The following NCK2 variants were observed in gnomAD, a reference collection of about 807,000 sequenced individuals.
NCK2 encodes the protein cytoplasmic protein NCK2.
Under a neutral mutation model 33.9 loss-of-function variants are expected in NCK2, and 16 were observed. The ratio of observed to expected loss-of-function variants is 0.47; its 90% confidence interval spans 0.32 to 0.72. The LOEUF (loss-of-function observed/expected upper bound fraction) is 0.72. Ranked by LOEUF, NCK2 falls within the 30% of genes least tolerant of loss-of-function variation. The pLI, the probability that NCK2 is intolerant of heterozygous loss-of-function variation, is 0.03. For missense variants in NCK2, 418 were observed against 537.3 expected (o/e 0.78, Z 2.19); for synonymous variants, 273 against 239.9 (o/e 1.14, Z -1.27).
intron 2 of NCK2, among the ~76,000 whole-genome samples, chr2:105,845,473 A>G (rs1676821483): frequency 6.6e-6 from 1 of 151,128 alleles, no homozygotes; most frequent in African/African-American, 2.4e-5. Context: ...TACTCACTGC[A>G]TCCTCCGCCT....
chr2:105,753,329 A>G (rs976904589), intron 1 of NCK2, among the ~76,000 whole-genome samples: 5 of 152,148 alleles, frequency 3.3e-5, no homozygotes, highest in African/African-American at 9.7e-5. Context: ...ACTGAGGACC[A>G]TTGGCCTGGC....
chr2:105,834,907 G>GCCTCAA (rs1676335229), intron 2 of NCK2, among the ~76,000 whole-genome samples: 3 of 151,878 alleles, frequency 2.0e-5, no homozygotes, highest in Admixed American at 6.6e-5. Context: ...TGAACTCCTG[G>GCCTCAA]GCTCAAGCAA....
chr2:105,809,099 T>C (rs890589583), intron 1 of NCK2, among the ~76,000 whole-genome samples: 3 of 152,158 alleles, frequency 2.0e-5, no homozygotes, highest in African/African-American at 7.2e-5. Context: ...TTTTGAAGAA[T>C]GAATAGGTGT....
At chr2:105,769,966 G>C (rs1690075505) in intron 1 of NCK2, among the ~76,000 whole-genome samples, 1 of 152,172 alleles carries the variant, frequency 6.6e-6, no homozygotes, top group Non-Finnish European at 1.5e-5. Context: ...GGTCTGACTT[G>C]TGCTGGCTAC....
intron 3 of NCK2, among the ~76,000 whole-genome samples, chr2:105,871,558 C>T (rs949593391): frequency 7.2e-5 from 11 of 151,892 alleles, no homozygotes; most frequent in Non-Finnish European, 1.2e-4. Context: ...TGCAGTGGCG[C>T]GATCTCGGCT....
In NCK2 at chr2:105,872,069, GTACGCAGTTCT is replaced by G. The variant is rs1198490434; in HGVS notation, c.227-9256_227-9246del. ...ATTTAGAATTTCTTCTTCCTTAAAC[GTACGCAGTTCT>G]TAATGGTGAGATTATTTTCTGCCAG... On this transcript the variant is annotated intron_variant, in intron 3 of 4. Coordinates refer to ENST00000233154, the MANE Select transcript of NCK2 (RefSeq NM_003581.5). 1.4e-4 allele frequency among the ~76,000 whole-genome samples: 22 copies of G among 152,314 alleles called. No individual in the cohort carries two copies. The East Asian group carries it at 4.1e-3, about 28-fold the overall frequency.
chr2:105,802,571 A>T (rs1674882004), intron 1 of NCK2, among the ~76,000 whole-genome samples: 1 of 152,168 alleles, frequency 6.6e-6, no homozygotes, highest in African/African-American at 2.4e-5. Flanking sequence ...GAGAACACGG[A>T]AGCAAGAGAG....
At chr2:105,773,893 G>A (rs189633518) in intron 1 of NCK2, among the ~76,000 whole-genome samples, 2 of 152,138 alleles carry the variant, frequency 1.3e-5, no homozygotes, top group East Asian at 3.9e-4. Flanking sequence ...TTCTTTAACT[G>A]TTTTTATTTG....
intron 1 of NCK2, among the ~76,000 whole-genome samples, chr2:105,752,881 G>A (rs569036955): frequency 4.6e-5 from 7 of 152,206 alleles, no homozygotes; most frequent in African/African-American, 1.4e-4. Flanking sequence ...TTTTTAAAGT[G>A]AACATTAGCT....
At chr2:105,761,329 G>T (rs1289848597) in intron 1 of NCK2, among the ~76,000 whole-genome samples, 1 of 152,094 alleles carries the variant, frequency 6.6e-6, no homozygotes, top group Non-Finnish European at 1.5e-5. Context: ...TTTTGGGAGG[G>T]AGAAGAGTGG....
chr2:105,888,919 T>C (rs1422581014), intron 4 of NCK2, among the ~76,000 whole-genome samples: 2 of 152,218 alleles, frequency 1.3e-5, no homozygotes, highest in Non-Finnish European at 2.9e-5. Context: ...GTTTCAAAAA[T>C]GTGTTAAGAT....
intron 1 of NCK2, among the ~76,000 whole-genome samples, chr2:105,762,301 G>T (rs544283064): frequency 3.3e-5 from 5 of 152,162 alleles, no homozygotes; most frequent in African/African-American, 1.2e-4. Flanking sequence ...AACCAGGGGG[G>T]GTCTAGGTCC....
intron 1 of NCK2, among the ~76,000 whole-genome samples, chr2:105,772,911 T>C (rs1690181151): frequency 7.2e-6 from 1 of 138,448 alleles, no homozygotes; most frequent in Admixed American, 7.3e-5. Context: ...TTTTTTTTTT[T>C]GAGATGGTCT....
intron 1 of NCK2, among the ~76,000 whole-genome samples, chr2:105,799,533 C>T (rs1172790795): frequency 1.3e-5 from 2 of 152,106 alleles, no homozygotes; most frequent in Admixed American, 6.5e-5. Context: ...GGTCTGTTTC[C>T]CATGTTCCTG....
At chr2:105,858,371 C>T (rs1677374112) in intron 3 of NCK2, among the ~76,000 whole-genome samples, 1 of 152,144 alleles carries the variant, frequency 6.6e-6, no homozygotes. Context: ...CCACCTTAGC[C>T]TCCCGAGTAT....
intron 1 of NCK2, among the ~76,000 whole-genome samples, chr2:105,769,459 C>T (rs2104375908): frequency 6.6e-6 from 1 of 152,324 alleles, no homozygotes; most frequent in Admixed American, 6.5e-5. Flanking sequence ...AATATAGTAA[C>T]ATTTCTAAGG....
rs1677210778 is a variant in NCK2, at chr2:105,855,204, G to A, written c.141G>A (p.Arg47=). The change falls in exon 3 of 5, where the codon AGG becomes AGA. Residue 47 remains arginine, a synonymous_variant. Transcript: ENST00000233154. ...GGCGGGTGAGGAACGCGGCCAACAGGACGGGCTATGTACCGTCCAACTACG... is the reference window on the plus strand; with the variant it reads ...GGCGGGTGAGGAACGCGGCCAACAGAACGGGCTATGTACCGTCCAACTACG... ...TWWRVRNAAN[R]TGYVPSNYVE... 2 of 1,614,004 alleles carry A rather than the reference G, an allele frequency of 1.2e-6. No homozygotes were observed. The highest frequency in any genetic ancestry group is 1.1e-5 in the South Asian group (1 of 91,072).
intron 3 of NCK2, among the ~76,000 whole-genome samples, chr2:105,866,243 T>C (rs764266457): frequency 6.6e-6 from 1 of 152,182 alleles, no homozygotes; most frequent in Admixed American, 6.5e-5. Context: ...TTGGAAACTA[T>C]AGAAAAGCAT....
chr2:105,787,591 C>G (rs1364437669), intron 1 of NCK2, among the ~76,000 whole-genome samples: 1 of 152,058 alleles, frequency 6.6e-6, no homozygotes. Flanking sequence ...CTGTTGAAGC[C>G]CCCAGCCTGT....
Sources: gnomAD v4.1 joint callset for allele counts (sites outside exome capture counted in the v4.1 genomes callset) on GRCh38, gnomAD v4.1.1 for gene constraint, MANE v1.5 for transcripts, NCBI Gene and HGNC (gene_info 2026-07-23, HGNC 2026-07-21) for gene names.